DIAPH3: variants seen among roughly 807,000 people sequenced by gnomAD.
DIAPH3 encodes diaphanous related formin 3, also known as protein diaphanous homolog 3.
DIAPH3 carries 117 observed loss-of-function variants against 144.3 expected under a neutral mutation model. The observed-to-expected ratio is 0.81, with a 90% CI of 0.70 to 0.95. The LOEUF is 0.95. Ranked by LOEUF, DIAPH3 falls within the 40% of genes least tolerant of loss-of-function variation. DIAPH3 has a pLI of 0.00. For synonymous variants in DIAPH3, 519 were observed against 488.9 expected (o/e 1.06, Z -0.81); for missense variants, 1,421 against 1,412.7 (o/e 1.01, Z -0.09).
At chr13:60,022,854 T>G (rs1430957624) in intron 5 of DIAPH3, among the ~76,000 whole-genome samples, 2 of 152,234 alleles carry the variant, frequency 1.3e-5, no homozygotes, top group African/African-American at 4.8e-5. Context: ...AGTGTTGAAT[T>G]TTGTCAAATG....
chr13:60,001,526 G>C (rs2052529453), intron 9 of DIAPH3, among the ~76,000 whole-genome samples: 1 of 152,186 alleles, frequency 6.6e-6, no homozygotes, highest in Non-Finnish European at 1.5e-5. Context: ...TCAGCCACCT[G>C]GAAGCCAAGT....
intron 5 of DIAPH3, among the ~76,000 whole-genome samples, chr13:60,016,473 A>G (rs2053656554): frequency 6.6e-6 from 1 of 152,186 alleles, no homozygotes; most frequent in Admixed American, 6.5e-5. Context: ...TGGCAAACCA[A>G]TCAGAGCCTC....
chr13:60,147,716 G>C (rs1951596664), intron 1 of DIAPH3, among the ~76,000 whole-genome samples: 1 of 152,194 alleles, frequency 6.6e-6, no homozygotes. Flanking sequence ...TGGAATTTCA[G>C]GTGGAAGTTG....
chr13:60,067,944 GAAT>G (rs1385834225), intron 4 of DIAPH3, among the ~76,000 whole-genome samples: 1 of 152,152 alleles, frequency 6.6e-6, no homozygotes, highest in South Asian at 2.1e-4. Context: ...TACACATAGA[GAAT>G]AATTCCATTA....
intron 25 of DIAPH3, among the ~76,000 whole-genome samples, chr13:59,790,783 A>T (rs1417471375): frequency 6.6e-6 from 1 of 152,136 alleles, no homozygotes; most frequent in Non-Finnish European, 1.5e-5. Context: ...GAGACAACTG[A>T]ACTTTCAATG....
intron 25 of DIAPH3, among the ~76,000 whole-genome samples, chr13:59,779,128 T>C (rs567369360): frequency 6.6e-6 from 1 of 152,316 alleles, no homozygotes; most frequent in South Asian, 2.1e-4. Context: ...ACCTGGAACC[T>C]CTACCCCTGC....
intron 2 of DIAPH3, among the ~76,000 whole-genome samples, chr13:60,122,042 A>G (rs969211124): frequency 2.6e-5 from 4 of 151,994 alleles, no homozygotes; most frequent in African/African-American, 9.7e-5. Context: ...GAAAATGCAA[A>G]TCCAGTCATG....
intron 27 of DIAPH3, among the ~76,000 whole-genome samples, chr13:59,763,203 T>C (rs1227424694): frequency 6.6e-6 from 1 of 152,140 alleles, no homozygotes; most frequent in Non-Finnish European, 1.5e-5. Flanking sequence ...TTTTCATACA[T>C]ATATCTTTAT....
intron 3 of DIAPH3, among the ~76,000 whole-genome samples, chr13:60,104,566 G>GCACACACA (rs10633554): frequency 0.12 from 17,101 of 146,916 alleles, 1,025 homozygotes; most frequent in Middle Eastern, 0.16. Context: ...CAGTATCAAG[G>GCACACACA]CACACACACA....
rs1340858138 is a variant in DIAPH3, at chr13:59,970,891, A to C, written c.1920T>G (p.Phe640Leu). 6.2e-7 allele frequency: 1 copy of C among 1,613,700 alleles called. No homozygotes were observed. The highest frequency in any genetic ancestry group is 1.7e-5 in the Admixed American group (1 of 60,016). Residue 640 changes from phenylalanine to leucine, a missense_variant, in exon 16 of 28, where the codon TTT (phenylalanine) becomes TTG (leucine). Coordinates refer to ENST00000400324, the MANE Select transcript of DIAPH3 (RefSeq NM_001042517.2). ...ATCTTCTCATGCTGATTTCAGGTTTAAATTCTTTCTTTGGTTTCAACCCAA... is the reference window on the plus strand; with the variant it reads ...ATCTTCTCATGCTGATTTCAGGTTTCAATTCTTTCTTTGGTTTCAACCCAA... Reference protein sequence around the residue: ...LPFGLKPKKEFKPEISMRRLN... With the variant: ...LPFGLKPKKELKPEISMRRLN...
intron 2 of DIAPH3, among the ~76,000 whole-genome samples, chr13:60,115,292 A>T (rs1219515193): frequency 6.6e-6 from 1 of 152,202 alleles, no homozygotes; most frequent in Admixed American, 6.5e-5. Flanking sequence ...TTCAAGCATC[A>T]CTAGTGGCAC....
At chr13:60,151,244 G>C (rs981607306) in intron 1 of DIAPH3, among the ~76,000 whole-genome samples, 1 of 152,110 alleles carries the variant, frequency 6.6e-6, no homozygotes, top group African/African-American at 2.4e-5. Context: ...CTAAGCTATC[G>C]TAACATGTGT....
intron 27 of DIAPH3, among the ~76,000 whole-genome samples, chr13:59,702,966 T>C (rs1163676466): frequency 6.6e-6 from 1 of 152,200 alleles, no homozygotes; most frequent in Non-Finnish European, 1.5e-5. Flanking sequence ...CCTTCATCTC[T>C]CCATTTGAAA....
chr13:59,795,754 G>A (rs554105592), intron 25 of DIAPH3, among the ~76,000 whole-genome samples: 1 of 152,244 alleles, frequency 6.6e-6, no homozygotes, highest in East Asian at 1.9e-4. Flanking sequence ...CGCCTGGCCA[G>A]GTATGTCATT....
chr13:59,985,091 G>A (rs1351754022), intron 12 of DIAPH3, among the ~76,000 whole-genome samples: 3 of 140,196 alleles, frequency 2.1e-5, no homozygotes, highest in South Asian at 4.9e-4. Context: ...CTGGCAAACC[G>A]AATCCAGCAG....
intron 18 of DIAPH3, among the ~76,000 whole-genome samples, chr13:59,923,300 A>G (rs575982379): frequency 6.6e-6 from 1 of 152,282 alleles, no homozygotes; most frequent in African/African-American, 2.4e-5. Context: ...ACATTTTTCA[A>G]AATAAAATCA....
chr13:59,970,618 A>C (rs371766124), intron 16 of DIAPH3, among the ~76,000 whole-genome samples: 1 of 152,016 alleles, frequency 6.6e-6, no homozygotes, highest in Admixed American at 6.6e-5. Context: ...AACAACATCA[A>C]CTCTCACTGT....
intron 17 of DIAPH3, among the ~76,000 whole-genome samples, chr13:59,933,713 A>T (rs991121956): frequency 2.6e-5 from 4 of 152,214 alleles, no homozygotes; most frequent in Admixed American, 6.5e-5. Flanking sequence ...CTAACACAGC[A>T]TATGCAGCAT....
intron 17 of DIAPH3, 113 bp downstream of exon 17, chr13:59,969,830 TA>T: frequency 1.6e-6 from 1 of 609,964 alleles, no homozygotes; most frequent in Non-Finnish European, 2.7e-6. Context: ...ATTAGGAATG[TA>T]AAAATAACAT....
Sources: gnomAD v4.1 joint callset for allele counts (sites outside exome capture counted in the v4.1 genomes callset) on GRCh38, gnomAD v4.1.1 for gene constraint, MANE v1.5 for transcripts, NCBI Gene and HGNC (gene_info 2026-07-23, HGNC 2026-07-21) for gene names.